Variants in TCP11L2 observed in about 807,000 individuals in gnomAD.
TCP11L2 encodes the protein t-complex 11 like 2, also known as T-complex protein 11-like protein 2.
A neutral mutation model predicts 50.7 loss-of-function variants in TCP11L2; 39 were observed. That is an observed-to-expected ratio of 0.77 (90% CI 0.60 to 1.01). The LOEUF is 1.01. Among genes scored for constraint, TCP11L2 ranks in the 50% least tolerant of loss-of-function variants. The probability of loss-of-function intolerance (pLI) is 0.00; values close to 1 mark genes in which losing one functional copy is unlikely to be tolerated. For synonymous variants in TCP11L2, 192 were observed against 219.3 expected (o/e 0.88, Z 1.10); for missense variants, 612 against 614.7 (o/e 1.00, Z 0.05).
chr12:106,301,168 T>C (rs1054133862), upstream of TCP11L2, among the ~76,000 whole-genome samples: 1 of 152,214 alleles, frequency 6.6e-6, no homozygotes, highest in Non-Finnish European at 1.5e-5. Context: ...AATAAGAGCA[T>C]GTTTGTAGGG....
At chr12:106,322,916 T>G (rs1400777831) in intron 5 of TCP11L2, among the ~76,000 whole-genome samples, 1 of 152,232 alleles carries the variant, frequency 6.6e-6, no homozygotes, top group Non-Finnish European at 1.5e-5. Flanking sequence ...TTCATCATGG[T>G]CATTTGTTGA....
chr12:106,332,943 CAT>C (rs1039910596), intron 6 of TCP11L2, among the ~76,000 whole-genome samples: 20 of 152,236 alleles, frequency 1.3e-4, no homozygotes, highest in Admixed American at 7.2e-4. Flanking sequence ...CTTGAAGTGA[CAT>C]AGTTTTGGTG....
At chr12:106,345,660 T>TC (rs2036208396) in intron 9 of TCP11L2, among the ~76,000 whole-genome samples, 1 of 141,988 alleles carries the variant, frequency 7.0e-6, no homozygotes, top group East Asian at 1.9e-4. Flanking sequence ...CTTTTTTTTT[T>TC]TATCAGTCAG....
intron 6 of TCP11L2, among the ~76,000 whole-genome samples, chr12:106,332,710 AGT>A (rs1199054146): frequency 2.6e-5 from 4 of 151,538 alleles, no homozygotes; most frequent in African/African-American, 4.9e-5. Flanking sequence ...CCTATTTCTC[AGT>A]GTGTGCAGAT....
intron 2 of TCP11L2, among the ~76,000 whole-genome samples, chr12:106,311,566 A>G (rs780344537): frequency 6.6e-6 from 1 of 152,180 alleles, no homozygotes; most frequent in Non-Finnish European, 1.5e-5. Flanking sequence ...GATAAATTCA[A>G]ATTGGTCTTT....
chr12:106,331,621 C>T (rs914906081), intron 6 of TCP11L2, among the ~76,000 whole-genome samples: 10 of 152,164 alleles, frequency 6.6e-5, no homozygotes, highest in Non-Finnish European at 1.3e-4. Context: ...GAATCTTTAC[C>T]ACAGCTTCAG....
At position 106,340,924 on chromosome 12, in the gene TCP11L2, C is replaced by G. The variant is rs202158755; in HGVS notation, c.1241C>G (p.Ala414Gly). 46 of 1,613,532 alleles carry G rather than the reference C, an allele frequency of 2.9e-5. No individual in the cohort carries two copies. In the Middle Eastern group the frequency reaches 2.1e-3, roughly 75 times the overall value. ...LMERGLPTLN[A>G]EIQANLIGQF... ...GAAAGAGGTTTACCCACTTTAAATG[C>G]TGAGATTCAAGCTAATCTTATAGGT... is the stretch of plus-strand genomic sequence containing the variant. The change falls in exon 9 of 10, where the codon GCT becomes GGT. Residue 414 changes from alanine (A) to glycine (G), a missense_variant. Transcript: ENST00000299045.
chr12:106,308,868 A>G (rs2034733836), intron 1 of TCP11L2, among the ~76,000 whole-genome samples: 1 of 152,236 alleles, frequency 6.6e-6, no homozygotes, highest in South Asian at 2.1e-4. Flanking sequence ...GCTGACACTG[A>G]ATGAATACTT....
At chr12:106,346,160 G>T in intron 9 of TCP11L2, 126 bp from the exon 10 acceptor site, 1 of 954,802 alleles carries the variant, frequency 1.0e-6, no homozygotes, top group Non-Finnish European at 1.5e-6. Flanking sequence ...AAAGGGGATG[G>T]GTGCAGGGAG....
Position 106,311,209 on chromosome 12 carries a change from C to G in TCP11L2, c.134C>G (p.Ser45Cys). Reference protein sequence around the residue: ...CSRQSFASDSSSKSSSPASTS... With the variant: ...CSRQSFASDSCSKSSSPASTS... ...AGGCAGAGCTTTGCAAGTGACTCCT[C>G]CAGCAAATCCAGCTCTCCTGCTTGT... Residue 45 changes from serine (S) to cysteine (C), a missense_variant, in exon 2 of 10, where the codon TCC becomes TGC. By Grantham distance (112) the Ser-to-Cys change is moderately radical (BLOSUM62 -1). Transcript: ENST00000299045. The G allele has an allele frequency of 6.2e-7, 1 of 1,613,960 alleles. No homozygotes were observed. The highest frequency in any genetic ancestry group is 8.5e-7 in the Non-Finnish European group (1 of 1,179,930).
In TCP11L2 at chr12:106,318,953, G is replaced by A. The variant is rs557286523; in HGVS notation, c.414+489G>A. On this transcript the variant is annotated intron_variant, in intron 4 of 9. Transcript: ENST00000299045. Reference sequence around the variant, plus strand: ...GGAGTCTCACTCTGTCGCCCAGGCCGGACTGCGGACTGCAGTGGCGCAATC... The same window carrying A: ...GGAGTCTCACTCTGTCGCCCAGGCCAGACTGCGGACTGCAGTGGCGCAATC... Among the ~76,000 whole-genome samples the A allele has an allele frequency of 2.5e-3, 381 of 150,598 alleles. 4 individuals carry two copies. The highest frequency in any genetic ancestry group is 8.7e-3 in the African/African-American group (355 of 40,914).
chr12:106,323,786 T>A (rs2035443450), intron 6 of TCP11L2, 140 bp downstream of exon 6: 1 of 452,754 alleles, frequency 2.2e-6, no homozygotes, highest in East Asian at 5.7e-5. Flanking sequence ...TTAATTAAAA[T>A]TTAAAATGTT....
chr12:106,346,169 A>C (rs2036224470), intron 9 of TCP11L2, 117 bp from the exon 10 acceptor site: 1 of 1,054,684 alleles, frequency 9.5e-7, no homozygotes, highest in East Asian at 2.6e-5. Context: ...GGGTGCAGGG[A>C]GGGGTAAAGA....
In TCP11L2 at chr12:106,330,062, C is replaced by T. The variant is rs2035693438; in HGVS notation, c.773-5577C>T. On this transcript the variant is annotated intron_variant, in intron 6 of 9. Transcript: ENST00000299045. ...GGCAATTGTCACCTTATAAATTCTACCAAATGTATAATTGTATAAGAACTG... is the reference window on the plus strand; with the variant it reads ...GGCAATTGTCACCTTATAAATTCTATCAAATGTATAATTGTATAAGAACTG... The T allele has an allele frequency of 3.0e-6, 3 of 985,396 alleles. No individual in the cohort carries two copies. In the African/African-American group the frequency reaches 5.2e-5, roughly 17 times the overall value. 61.0% of individuals were successfully genotyped at this position (985,396 alleles called of 1,614,324 possible).
At chr12:106,340,043 T>C (rs1185246083) in intron 8 of TCP11L2, among the ~76,000 whole-genome samples, 1 of 152,240 alleles carries the variant, frequency 6.6e-6, no homozygotes, top group Non-Finnish European at 1.5e-5. Context: ...CCATAGCTTA[T>C]GTTCCAACTC....
upstream of TCP11L2, among the ~76,000 whole-genome samples, chr12:106,301,245 TAGG>T (rs1835491820): frequency 6.6e-6 from 1 of 152,224 alleles, no homozygotes; most frequent in South Asian, 2.1e-4. Context: ...TTGTATATTT[TAGG>T]AGAAGAGAGG....
Position 106,311,141 on chromosome 12 carries a change from G to A in TCP11L2, c.66G>A (p.Arg22=). The A allele has an allele frequency of 6.2e-7, 1 of 1,614,192 alleles. No individual in the cohort carries two copies. The highest frequency in any genetic ancestry group is 8.5e-7 in the Non-Finnish European group (1 of 1,180,042). ...AGCCAAGCGATTCTGATTCTTCCCGGTTTTCCGAAAGCATGGCTTCGCTCA... is the reference window on the plus strand; with the variant it reads ...AGCCAAGCGATTCTGATTCTTCCCGATTTTCCGAAAGCATGGCTTCGCTCA... ...EDQPSDSDSS[R]FSESMASLSD... is the part of the protein sequence containing the mutation. Residue 22 remains arginine, a synonymous_variant, in exon 2 of 10, where the codon CGG becomes CGA. Transcript: ENST00000299045.
chr12:106,332,790 C>G (rs375335823), intron 6 of TCP11L2, among the ~76,000 whole-genome samples: 13 of 152,178 alleles, frequency 8.5e-5, no homozygotes, highest in African/African-American at 3.1e-4. Flanking sequence ...ATGACCTCAT[C>G]TAACCCTAAT....
chr12:106,314,417 T>G lies in TCP11L2; in HGVS notation c.217T>G (p.Ser73Ala). The part of the protein sequence containing the change: ...DEVMATARNL[S>A]NLTLAHEIAV... ...AGTGATGGCTACAGCAAGGAACTTATCAAACTTGACTCTTGCTCATGAGAT... is the reference window on the plus strand; with the variant it reads ...AGTGATGGCTACAGCAAGGAACTTAGCAAACTTGACTCTTGCTCATGAGAT... The change falls in exon 3 of 10, where the codon TCA (serine) becomes GCA (alanine). Residue 73 changes from serine (S) to alanine (A), a missense_variant. By Grantham distance (99) the Ser-to-Ala change is moderately conservative (BLOSUM62 1). Coordinates refer to ENST00000299045, the MANE Select transcript of TCP11L2 (RefSeq NM_152772.3). 3.7e-6 allele frequency: 6 copies of G among 1,613,778 alleles called. No individual in the cohort carries two copies. Among genetic ancestry groups the G allele is most frequent in the Non-Finnish European group, 4.2e-6 (5 of 1,179,732 alleles).
Sources: gnomAD v4.1 joint callset for allele counts (sites outside exome capture counted in the v4.1 genomes callset) on GRCh38, gnomAD v4.1.1 for gene constraint, MANE v1.5 for transcripts, NCBI Gene and HGNC (gene_info 2026-07-23, HGNC 2026-07-21) for gene names.